The following NUP50 variants were observed in gnomAD, a reference collection of about 807,000 sequenced individuals.
NUP50 encodes nucleoporin 50, also known as nuclear pore complex protein Nup50.
NUP50 carries 14 observed loss-of-function variants against 36.8 expected under a neutral mutation model. The ratio of observed to expected loss-of-function variants is 0.38; its 90% CI spans 0.25 to 0.59. NUP50 has a LOEUF of 0.59. NUP50 is among the 20% of genes least tolerant of loss of function. The probability of loss-of-function intolerance (pLI) is 0.63; values close to 1 mark genes in which losing one functional copy is unlikely to be tolerated. For synonymous variants in NUP50, 195 were observed against 210.8 expected (o/e 0.93, Z 0.65); for missense variants, 455 against 564.6 (o/e 0.81, Z 1.97).
intron 4 of NUP50, among the ~76,000 whole-genome samples, chr22:45,176,905 C>A (rs1380290228): frequency 6.6e-6 from 1 of 152,062 alleles, no homozygotes; most frequent in Non-Finnish European, 1.5e-5. Context: ...CCATGCCCAG[C>A]TAATTTTTGT....
chr22:45,187,380 A>T lies in NUP50; in HGVS notation c.*2725A>T. The T allele has an allele frequency of 2.0e-5, 3 of 150,988 alleles. No individual in the cohort carries two copies. Among genetic ancestry groups the T allele is most frequent in the Admixed American group, 6.6e-5 (1 of 15,082 alleles). The allele number at this position is 150,988 out of a possible 1,614,324, so 9.4% of individuals were successfully genotyped here. On this transcript the variant is annotated 3_prime_UTR_variant, in exon 8 of 8. Transcript: ENST00000347635. ...TTTAAGAGGATTATTCTGTTTTACA[A>T]TTTCAATTCTAGATCACATTTTATA...
rs956513622 is a variant in NUP50, at chr22:45,187,311, T to G, written c.*2656T>G. The G allele has an allele frequency of 4.6e-5, 7 of 152,406 alleles. No individual in the cohort carries two copies. The highest frequency in any genetic ancestry group is 1.7e-4 in the African/African-American group (7 of 41,396). The allele number at this position is 152,406 out of a possible 1,614,324, so 9.4% of individuals were successfully genotyped here. A position where few individuals can be genotyped will look rare whatever the true frequency, so the allele number is the denominator to read the frequency against. On this transcript the variant is annotated 3_prime_UTR_variant, in exon 8 of 8. Transcript: ENST00000347635. ...AGTTTTTAAAGAAGTTTAGATTATG[T>G]TTTCCATGGAAGGACAAGTCTGACT...
intron 3 of NUP50, among the ~76,000 whole-genome samples, chr22:45,175,386 C>A (rs538801497): frequency 6.6e-6 from 1 of 152,266 alleles, no homozygotes; most frequent in East Asian, 1.9e-4. Flanking sequence ...ATTTGAGACT[C>A]GATCATCTAA....
At chr22:45,177,981 C>T (rs1471217529) in intron 4 of NUP50, 5 of 419,024 alleles carry the variant, frequency 1.2e-5, no homozygotes, top group Admixed American at 8.0e-5. Context: ...CAAAAATTAG[C>T]CGGGTGTGGT....
Position 45,171,647 on chromosome 22 carries a change from C to T in NUP50, c.117C>T (p.Ala39=), listed in dbSNP as rs1569046025. The change falls in exon 3 of 8, where the codon GCC becomes GCT. Residue 39 remains alanine (A), a synonymous_variant. Transcript: ENST00000347635. ...GTGAGGAAGTCTTGAAGAATAGAGC[C>T]ATAAAGAAAGCAAAGCGCAGAAATG... The part of the protein sequence containing the change: ...MASEEVLKNR[A]IKKAKRRNVG... 6.2e-7 allele frequency: 1 copy of T among 1,614,074 alleles called. No homozygotes were observed.
chr22:45,175,291 G>A (rs1471928310), intron 3 of NUP50, among the ~76,000 whole-genome samples: 2 of 152,164 alleles, frequency 1.3e-5, no homozygotes, highest in Non-Finnish European at 2.9e-5. Flanking sequence ...GAAAAACCTT[G>A]TTAAAACAAT....
At chr22:45,181,634 C>CCCCATCCCATCCCAT (rs1021119241) in intron 6 of NUP50, among the ~76,000 whole-genome samples, 1 of 152,106 alleles carries the variant, frequency 6.6e-6, no homozygotes, top group East Asian at 1.9e-4. Context: ...ATCTTCCCAA[C>CCCCATCCCATCCCAT]CCCATCCCAT....
At chr22:45,165,622 G>C (rs1299950004) in intron 1 of NUP50, among the ~76,000 whole-genome samples, 1 of 152,202 alleles carries the variant, frequency 6.6e-6, no homozygotes, top group Non-Finnish European at 1.5e-5. Context: ...ATTGTCTGAA[G>C]TGTCATGCTT....
chr22:45,173,781 T>C (rs1388220543), intron 3 of NUP50, among the ~76,000 whole-genome samples: 1 of 152,150 alleles, frequency 6.6e-6, no homozygotes, highest in African/African-American at 2.4e-5. Flanking sequence ...GTACAGACCA[T>C]AATCTACAAC....
intron 4 of NUP50, among the ~76,000 whole-genome samples, chr22:45,176,975 T>C (rs951031254): frequency 2.6e-5 from 4 of 152,026 alleles, no homozygotes; most frequent in Admixed American, 1.3e-4. Context: ...CTCTTGACCT[T>C]GTGATCCACC....
At chr22:45,182,623 GTTTTTT>G (rs550478534) in intron 6 of NUP50, among the ~76,000 whole-genome samples, 11 of 95,942 alleles carry the variant, frequency 1.1e-4, no homozygotes, top group Non-Finnish European at 1.7e-4. Context: ...CTTGAGGTTT[GTTTTTT>G]TTTTTTTTTT....
intron 2 of NUP50, among the ~76,000 whole-genome samples, chr22:45,169,177 C>G (rs2074144614): frequency 6.6e-6 from 1 of 152,196 alleles, no homozygotes; most frequent in African/African-American, 2.4e-5. Flanking sequence ...GCTGGGATTA[C>G]AGGCGAGAAC....
At chr22:45,184,370 A>G (rs2147711584) in intron 7 of NUP50, 83 bp from the exon 8 acceptor site, 1 of 1,232,254 alleles carries the variant, frequency 8.1e-7, no homozygotes, top group Admixed American at 1.8e-5. Context: ...TTATTTCAGC[A>G]TTTAATGTTT....
chr22:45,170,849 A>G (rs1217471471), intron 2 of NUP50: 1 of 401,880 alleles, frequency 2.5e-6, no homozygotes, highest in Non-Finnish European at 4.6e-6. Context: ...GATTACATTT[A>G]GTTAAGTACA....
At chr22:45,179,345 A>G (rs2074330195) in intron 5 of NUP50, 1 of 156,048 alleles carries the variant, frequency 6.4e-6, no homozygotes, top group African/African-American at 2.4e-5. Context: ...TAGACTTTTC[A>G]TAGCCATAGA....
At chr22:45,178,216 T>C in intron 4 of NUP50, 22 bp from the exon 5 acceptor site, 1 of 1,592,434 alleles carries the variant, frequency 6.3e-7, no homozygotes, top group Non-Finnish European at 8.6e-7. Context: ...AAATAAATGG[T>C]TCAATTATTA....
chr22:45,169,276 G>A (rs565149208), intron 2 of NUP50, among the ~76,000 whole-genome samples: 4 of 152,196 alleles, frequency 2.6e-5, no homozygotes, highest in South Asian at 4.1e-4. Flanking sequence ...AAGCTGAGGC[G>A]GGAGGTTTGC....
rs780324639 is a variant in NUP50, at chr22:45,178,476, T to C, written c.579T>C (p.Tyr193=). ...CTATCTTTAAAGACTATGAGAAATA[T>C]TTAGCAAACATTGAACAGCAACACG... The part of the protein sequence containing the change: ...LTPIFKDYEK[Y]LANIEQQHGN... Residue 193 remains tyrosine (Y), a synonymous_variant, in exon 5 of 8, where the codon TAT becomes TAC. Transcript: ENST00000347635. 8 of 1,612,770 alleles carry C rather than the reference T, an allele frequency of 5.0e-6. No homozygotes were observed. Among genetic ancestry groups the C allele is most frequent in the African/African-American group, 1.3e-5 (1 of 74,884 alleles).
At chr22:45,179,450 G>A (rs542624862) in intron 5 of NUP50, 3 of 153,192 alleles carry the variant, frequency 2.0e-5, no homozygotes, top group Admixed American at 6.5e-5. Context: ...TGTGTGTATC[G>A]TCAGTGCCCC....
Sources: allele counts gnomAD v4.1 joint callset (sites outside exome capture counted in the v4.1 genomes callset), GRCh38; gene constraint gnomAD v4.1.1; transcripts MANE v1.5; gene names NCBI Gene and HGNC (gene_info 2026-07-23, HGNC 2026-07-21).